ATXN7L1: variants seen among roughly 807,000 people sequenced by gnomAD.
ATXN7L1 encodes ataxin-7-like protein 1.
In ATXN7L1, 15 loss-of-function variants were observed where a neutral mutation model predicts 70.8. The observed-to-expected ratio is 0.21, with a 90% CI of 0.14 to 0.33. ATXN7L1 has a LOEUF of 0.33. Among genes scored for constraint, ATXN7L1 ranks in the 10% least tolerant of loss-of-function variants. The pLI is 1.00. For synonymous variants in ATXN7L1, 440 were observed against 445.1 expected, an observed-to-expected ratio of 0.99 and a Z score of 0.14; for missense variants, 975 against 1,097.1, an observed-to-expected ratio of 0.89 and a Z score of 1.57.
At chr7:105,777,721 C>T (rs1043420311) in intron 3 of ATXN7L1, among the ~76,000 whole-genome samples, 2 of 152,218 alleles carry the variant, frequency 1.3e-5, no homozygotes, top group African/African-American at 4.8e-5. Flanking sequence ...GTCTCCTGGG[C>T]TCCACTGCAG....
intron 3 of ATXN7L1, among the ~76,000 whole-genome samples, chr7:105,758,672 G>A (rs1800115990): frequency 1.3e-5 from 2 of 152,160 alleles, no homozygotes; most frequent in South Asian, 4.1e-4. Context: ...TTTCCATGAG[G>A]GTCTACCGCA....
At chr7:105,680,640 G>A (rs551873222) in intron 3 of ATXN7L1, among the ~76,000 whole-genome samples, 1 of 152,330 alleles carries the variant, frequency 6.6e-6, no homozygotes, top group South Asian at 2.1e-4. Flanking sequence ...CAGTTAGGCT[G>A]TGGGCGTTGT....
At chr7:105,690,607 C>A (rs929472476) in intron 3 of ATXN7L1, among the ~76,000 whole-genome samples, 2 of 152,104 alleles carry the variant, frequency 1.3e-5, no homozygotes, top group Non-Finnish European at 2.9e-5. Context: ...AAATATTTAA[C>A]CCGAGGCACA....
chr7:105,868,711 A>G (rs367871532), intron 2 of ATXN7L1, among the ~76,000 whole-genome samples: 2 of 152,362 alleles, frequency 1.3e-5, no homozygotes, highest in East Asian at 3.9e-4. Flanking sequence ...CCACTTGGAT[A>G]GCCTTTTGAA....
intron 3 of ATXN7L1, among the ~76,000 whole-genome samples, chr7:105,736,848 C>T (rs2116348470): frequency 6.6e-6 from 1 of 152,312 alleles, no homozygotes; most frequent in South Asian, 2.1e-4. Flanking sequence ...TTACTTTCTT[C>T]TCCATCTTTC....
intron 3 of ATXN7L1, among the ~76,000 whole-genome samples, chr7:105,697,460 G>A (rs548073205): frequency 4.8e-4 from 73 of 152,264 alleles, no homozygotes; most frequent in South Asian, 4.1e-3. Context: ...GCTCACCTGC[G>A]GTCAGAGTTT....
At chr7:105,680,198 C>T (rs1257408468) in intron 3 of ATXN7L1, among the ~76,000 whole-genome samples, 1 of 152,150 alleles carries the variant, frequency 6.6e-6, no homozygotes, top group Non-Finnish European at 1.5e-5. Flanking sequence ...TGATCACATA[C>T]TTCCTCTCAT....
intron 3 of ATXN7L1, among the ~76,000 whole-genome samples, chr7:105,693,001 A>G (rs1791215806): frequency 6.6e-6 from 1 of 152,038 alleles, no homozygotes; most frequent in Non-Finnish European, 1.5e-5. Flanking sequence ...TACAAGCATG[A>G]GCCGTCATGC....
chr7:105,862,395 T>C (rs1816770832), intron 2 of ATXN7L1, among the ~76,000 whole-genome samples: 1 of 152,126 alleles, frequency 6.6e-6, no homozygotes, highest in African/African-American at 2.4e-5. Flanking sequence ...ACTATGATTG[T>C]ACTACTGCAC....
At chr7:105,861,725 C>T (rs977027716) in intron 2 of ATXN7L1, among the ~76,000 whole-genome samples, 6 of 152,066 alleles carry the variant, frequency 3.9e-5, no homozygotes, top group Admixed American at 6.6e-5. Context: ...CAGAGCAAAC[C>T]GAGGGCAAAG....
intron 5 of ATXN7L1, among the ~76,000 whole-genome samples, chr7:105,642,381 G>A (rs1350527147): frequency 6.6e-6 from 1 of 152,248 alleles, no homozygotes; most frequent in East Asian, 1.9e-4. Context: ...GACAGAGGCT[G>A]TGTGTCCCTG....
At chr7:105,674,903 C>T (rs981158807) in intron 3 of ATXN7L1, among the ~76,000 whole-genome samples, 3 of 152,116 alleles carry the variant, frequency 2.0e-5, no homozygotes, top group African/African-American at 7.2e-5. Context: ...TCACAAGACA[C>T]CTAGACTAGC....
intron 3 of ATXN7L1, among the ~76,000 whole-genome samples, chr7:105,723,651 C>T (rs948472804): frequency 6.6e-6 from 1 of 152,192 alleles, no homozygotes; most frequent in African/African-American, 2.4e-5. Context: ...TGTGTCAAAG[C>T]CCATGTGTTT....
At chr7:105,751,181 GATTACT>G (rs1191550883) in intron 3 of ATXN7L1, among the ~76,000 whole-genome samples, 1 of 152,122 alleles carries the variant, frequency 6.6e-6, no homozygotes, top group African/African-American at 2.4e-5. Flanking sequence ...TGGAGTATGG[GATTACT>G]CCATACTCCA....
chr7:105,833,918 G>A (rs1405238796), intron 2 of ATXN7L1, among the ~76,000 whole-genome samples: 1 of 152,204 alleles, frequency 6.6e-6, no homozygotes, highest in East Asian at 1.9e-4. Flanking sequence ...TATGCTATGT[G>A]TTGAATATTT....
intron 2 of ATXN7L1, among the ~76,000 whole-genome samples, chr7:105,864,646 T>G (rs1040007661): frequency 6.6e-6 from 1 of 151,610 alleles, no homozygotes; most frequent in African/African-American, 2.4e-5. Context: ...TTTTTTTCTT[T>G]TTTTTGAGAC....
intron 2 of ATXN7L1, among the ~76,000 whole-genome samples, chr7:105,823,038 T>C (rs1004162036): frequency 1.1e-4 from 16 of 152,162 alleles, no homozygotes; most frequent in African/African-American, 3.4e-4. Context: ...GCCACAGCTC[T>C]AAGCTAGTAA....
rs1332636841 is a variant in ATXN7L1 at position 105,605,209 on chromosome 7, A to G, written c.*2643T>C. 1 of 152,110 alleles carries G rather than the reference A, an allele frequency of 6.6e-6. No homozygotes were observed. The highest frequency in any genetic ancestry group is 1.9e-4 in the East Asian group (1 of 5,200). The allele number at this position is 152,110 out of a possible 1,614,324, so 9.4% of individuals were successfully genotyped here. A position where few individuals can be genotyped will look rare whatever the true frequency, so the allele number is the denominator to read the frequency against. On this transcript the variant is annotated 3_prime_UTR_variant, in exon 12 of 12. Coordinates refer to ENST00000419735, the MANE Select transcript of ATXN7L1 (RefSeq NM_020725.2). ...GGGAGAGAAGACTGAGTGGGTGTGC[A>G]GAACAGAAGGACCCAGAGGACATCA...
intron 3 of ATXN7L1, among the ~76,000 whole-genome samples, chr7:105,710,582 T>G (rs1157415699): frequency 1.3e-5 from 2 of 152,064 alleles, no homozygotes; most frequent in East Asian, 3.9e-4. Flanking sequence ...TAATTTTTTT[T>G]GTATTTTTTT....
Sources: gnomAD v4.1 joint callset for allele counts (sites outside exome capture counted in the v4.1 genomes callset) on GRCh38, gnomAD v4.1.1 for gene constraint, MANE v1.5 for transcripts, NCBI Gene and HGNC (gene_info 2026-07-23, HGNC 2026-07-21) for gene names.